OCA2: variants seen among roughly 807,000 people sequenced by gnomAD.
OCA2 encodes the protein P protein.
In OCA2, 77 loss-of-function variants were observed where a neutral mutation model predicts 100.2. The ratio of observed to expected loss-of-function variants is 0.77; its 90% CI spans 0.64 to 0.93. The LOEUF is 0.93. Among genes scored for constraint, OCA2 ranks in the 40% least tolerant of loss-of-function variants. The pLI is 0.00. For synonymous variants in OCA2, 432 were observed against 439.2 expected (o/e 0.98, Z 0.21); for missense variants, 1,062 against 1,089.1 (o/e 0.98, Z 0.35).
At chr15:27,877,559 A>C (rs2036842127) in intron 19 of OCA2, among the ~76,000 whole-genome samples, 1 of 151,974 alleles carries the variant, frequency 6.6e-6, no homozygotes, top group Admixed American at 6.6e-5. Flanking sequence ...TTATTATTAA[A>C]TGTCCCTCAT....
At chr15:27,890,889 G>T (rs1053228959) in intron 19 of OCA2, among the ~76,000 whole-genome samples, 3 of 152,090 alleles carry the variant, frequency 2.0e-5, no homozygotes, top group Non-Finnish European at 2.9e-5. Flanking sequence ...AGCTGAGCAT[G>T]GTGGTGTGCA....
chr15:27,733,186 G>T, the OCA2 span, among the ~76,000 whole-genome samples: 2 of 152,160 alleles, frequency 1.3e-5, no homozygotes, highest in African/African-American at 4.8e-5. Flanking sequence ...AGAGACATGA[G>T]ATATGGTTAC....
chr15:28,059,069 C>G (rs2043793603), intron 2 of OCA2, among the ~76,000 whole-genome samples: 1 of 152,208 alleles, frequency 6.6e-6, no homozygotes, highest in South Asian at 2.1e-4. Context: ...GACATTAGAT[C>G]ACACCAAATG....
chr15:27,879,855 A>G (rs1028105683), intron 19 of OCA2, among the ~76,000 whole-genome samples: 6 of 152,078 alleles, frequency 3.9e-5, no homozygotes, highest in African/African-American at 1.4e-4. Flanking sequence ...CTTTAGTTTA[A>G]TTAGATCCCA....
In OCA2 at chr15:27,999,948, A is replaced by G. The variant is rs1595794267; in HGVS notation, c.1045-9301T>C. 4.6e-5 allele frequency among the ~76,000 whole-genome samples: 7 copies of G among 152,308 alleles called. No homozygotes were observed. The South Asian group carries it at 8.3e-4, about 18-fold the overall frequency. ...TGTACACTCAGGACAGTAAGACATG[A>G]ATGAAGAAATCAAAGAAGATACAAA... On this transcript the variant is annotated intron_variant, in intron 9 of 23. Coordinates refer to ENST00000354638, the MANE Select transcript of OCA2 (RefSeq NM_000275.3).
chr15:28,054,508 C>T (rs542169153), intron 2 of OCA2, among the ~76,000 whole-genome samples: 1 of 152,230 alleles, frequency 6.6e-6, no homozygotes, highest in East Asian at 1.9e-4. Flanking sequence ...AGAGCCTGGC[C>T]GGCTCTGCCC....
At chr15:27,758,262 C>A (rs1318687644) in intron 23 of OCA2, among the ~76,000 whole-genome samples, 1 of 152,160 alleles carries the variant, frequency 6.6e-6, no homozygotes, top group Non-Finnish European at 1.5e-5. Flanking sequence ...GAAGCCTGCT[C>A]TCCCTAGCCA....
At chr15:27,862,235 C>T (rs1482659584) in intron 21 of OCA2, among the ~76,000 whole-genome samples, 2 of 151,306 alleles carry the variant, frequency 1.3e-5, no homozygotes, top group African/African-American at 2.4e-5. Context: ...AAAGCATGGT[C>T]GTCAGCCTCG....
chr15:27,882,338 T>C (rs924527043), intron 19 of OCA2, among the ~76,000 whole-genome samples: 8 of 152,228 alleles, frequency 5.3e-5, no homozygotes, highest in African/African-American at 1.7e-4. Context: ...ACTCCACTAC[T>C]GAACCCATCA....
chr15:27,937,749 AT>A (rs1567129220), intron 18 of OCA2, among the ~76,000 whole-genome samples: 1 of 152,116 alleles, frequency 6.6e-6, no homozygotes, highest in South Asian at 2.1e-4. Flanking sequence ...CCATTTTTCT[AT>A]TGGGGGGTTC....
At chr15:27,860,906 G>A (rs960922074) in intron 21 of OCA2, among the ~76,000 whole-genome samples, 14 of 152,242 alleles carry the variant, frequency 9.2e-5, no homozygotes, top group African/African-American at 3.4e-4. Flanking sequence ...TAAGCTCAGG[G>A]AGGAAGCAGC....
intron 19 of OCA2, among the ~76,000 whole-genome samples, chr15:27,879,076 G>A (rs115679479): frequency 0.016 from 2,389 of 152,000 alleles, 56 homozygotes; most frequent in African/African-American, 0.05. Context: ...CTCTTCGTTC[G>A]GCTCCCACTT....
chr15:27,838,866 G>A (rs1169257390), intron 23 of OCA2, among the ~76,000 whole-genome samples: 1 of 152,180 alleles, frequency 6.6e-6, no homozygotes, highest in Non-Finnish European at 1.5e-5. Context: ...GTACCCAGGA[G>A]CTGATCTTGG....
intron 15 of OCA2, among the ~76,000 whole-genome samples, chr15:27,964,170 A>G (rs1344222065): frequency 5.3e-5 from 8 of 152,340 alleles, no homozygotes; most frequent in Admixed American, 4.6e-4. Context: ...ATTTAAGAAA[A>G]AAGTAATAGC....
At chr15:28,020,410 G>A (rs1282329463) in intron 6 of OCA2, among the ~76,000 whole-genome samples, 1 of 152,066 alleles carries the variant, frequency 6.6e-6, no homozygotes, top group African/African-American at 2.4e-5. Flanking sequence ...TCCTGCCTGA[G>A]TCCCACTGAG....
chr15:27,913,859 GA>G (rs1453652226), intron 19 of OCA2, among the ~76,000 whole-genome samples: 7 of 40,132 alleles, frequency 1.7e-4, no homozygotes, highest in African/African-American at 8.6e-4. Context: ...AAGAAAGAAA[GA>G]AAGAAAGAAA....
chr15:27,746,484 AAATAAATAAATAG>A, the OCA2 span, among the ~76,000 whole-genome samples: 57 of 152,050 alleles, frequency 3.7e-4, no homozygotes, highest in African/African-American at 1.3e-3. Context: ...ATAAATAAAT[AAATAAATAAATAG>A]AACTTTTTTC....
intron 18 of OCA2, among the ~76,000 whole-genome samples, chr15:27,943,518 A>C (rs533728435): frequency 2.0e-5 from 3 of 151,984 alleles, no homozygotes; most frequent in Non-Finnish European, 4.4e-5. Flanking sequence ...CCTTTCCCTA[A>C]GACTCTGGTA....
intron 1 of OCA2, among the ~76,000 whole-genome samples, chr15:28,095,075 CCGGCGCTCAAGCTAGG>C (rs2044948073): frequency 6.6e-6 from 1 of 152,264 alleles, no homozygotes; most frequent in Admixed American, 6.5e-5. Context: ...AGCGGTGCTG[CCGGCGCTCAAGCTAGG>C]CCGGGTCACC....
Sources: allele counts gnomAD v4.1 joint callset (sites outside exome capture counted in the v4.1 genomes callset), GRCh38; gene constraint gnomAD v4.1.1; transcripts MANE v1.5; gene names NCBI Gene and HGNC (gene_info 2026-07-23, HGNC 2026-07-21).